MYRIP: variants seen among roughly 807,000 people sequenced by gnomAD.
MYRIP encodes the protein rab effector MyRIP.
Under a neutral mutation model 98.0 loss-of-function variants are expected in MYRIP, and 49 were observed. The observed-to-expected ratio is 0.50, with a 90% CI of 0.40 to 0.63. The LOEUF is 0.63. Ranked by LOEUF, MYRIP falls within the 30% of genes least tolerant of loss-of-function variation. MYRIP has a pLI of 0.00. For synonymous variants in MYRIP, 404 were observed against 409.5 expected (o/e 0.99, Z 0.16); for missense variants, 1,004 against 1,058.2 (o/e 0.95, Z 0.71).
rs1553624983 is a variant in MYRIP, at chr3:40,192,330, T to TATATATATGTCATATATATATGTC, written c.1665+1875_1665+1876insGTCATATATATATGTCATATATAT. On this transcript the variant is annotated intron_variant, in intron 10 of 16. Transcript: ENST00000302541. ...TCTTCATATATATATATATATGTCATATATATATATGTCATATATATATTT... is the reference window on the plus strand; with the variant it reads ...TCTTCATATATATATATATATGTCATATATATATGTCATATATATATGTCATATATATATGTCATATATATATTT... Among the ~76,000 whole-genome samples, 40 of 100,042 alleles carry TATATATATGTCATATATATATGTC rather than the reference T, an allele frequency of 4.0e-4. 1 individual carries two copies. Among genetic ancestry groups the TATATATATGTCATATATATATGTC allele is most frequent in the African/African-American group, 4.9e-4 (11 of 22,598 alleles). 65.6% of individuals were successfully genotyped at this position (100,042 alleles called of 152,430 possible). A position where few individuals can be genotyped will look rare whatever the true frequency, so the allele number is the denominator to read the frequency against.
intron 3 of MYRIP, among the ~76,000 whole-genome samples, chr3:40,051,075 A>G (rs545581849): frequency 7.0e-4 from 106 of 152,320 alleles, no homozygotes; most frequent in African/African-American, 2.5e-3. Flanking sequence ...AGAATAGTTC[A>G]TAAACTTAGT....
chr3:39,961,982 C>G (rs193007191), intron 2 of MYRIP, among the ~76,000 whole-genome samples: 17 of 152,186 alleles, frequency 1.1e-4, no homozygotes, highest in Middle Eastern at 3.4e-3. Flanking sequence ...GTTTCATGAA[C>G]AAAAGATGAA....
At chr3:40,253,438 C>A (rs1559478844) in intron 16 of MYRIP, among the ~76,000 whole-genome samples, 1 of 152,102 alleles carries the variant, frequency 6.6e-6, no homozygotes, top group Non-Finnish European at 1.5e-5. Flanking sequence ...CGGATATAAA[C>A]AAATAAGACG....
At chr3:40,068,394 T>C (rs1366798340) in intron 3 of MYRIP, among the ~76,000 whole-genome samples, 2 of 152,230 alleles carry the variant, frequency 1.3e-5, no homozygotes, top group Non-Finnish European at 2.9e-5. Context: ...TGGATGTTTT[T>C]CTCTGGCTTC....
chr3:40,192,326 GTC>G (rs772981225), intron 10 of MYRIP, among the ~76,000 whole-genome samples: 4,231 of 17,136 alleles, frequency 0.25, 571 homozygotes, highest in Non-Finnish European at 0.38. Context: ...ATATATATAT[GTC>G]ATATATATAT....
At chr3:40,119,221 C>T (rs530054615) in intron 3 of MYRIP, among the ~76,000 whole-genome samples, 1,644 of 152,118 alleles carry the variant, frequency 0.011, 23 homozygotes, top group Admixed American at 0.019. Context: ...TCCTATTTCT[C>T]CACATCCTCT....
At chr3:40,070,157 A>G (rs1948196602) in intron 3 of MYRIP, among the ~76,000 whole-genome samples, 1 of 152,188 alleles carries the variant, frequency 6.6e-6, no homozygotes, top group African/African-American at 2.4e-5. Context: ...TACTTGATCA[A>G]TTACATAATT....
chr3:40,227,180 G>C (rs1056723715), intron 11 of MYRIP, among the ~76,000 whole-genome samples: 2 of 152,180 alleles, frequency 1.3e-5, no homozygotes, highest in Non-Finnish European at 2.9e-5. Context: ...CAGTGCCTTG[G>C]CATAGAGTGG....
chr3:39,959,861 G>A (rs895691646), intron 2 of MYRIP, among the ~76,000 whole-genome samples: 2 of 152,028 alleles, frequency 1.3e-5, no homozygotes, highest in African/African-American at 4.8e-5. Context: ...TCTTCTGAAT[G>A]GCAGTGCTCC....
intron 1 of MYRIP, among the ~76,000 whole-genome samples, chr3:39,869,259 C>CT (rs1298517515): frequency 6.6e-6 from 1 of 152,104 alleles, no homozygotes; most frequent in Non-Finnish European, 1.5e-5. Context: ...TTTCACATTC[C>CT]TTTTTTTAAT....
intron 11 of MYRIP, among the ~76,000 whole-genome samples, chr3:40,212,020 C>T (rs1951944903): frequency 6.6e-6 from 1 of 151,410 alleles, no homozygotes. Flanking sequence ...CCTTCCTAGT[C>T]TTCCATGAGT....
intron 4 of MYRIP, among the ~76,000 whole-genome samples, chr3:40,160,763 G>T (rs193189300): frequency 6.6e-6 from 1 of 152,300 alleles, no homozygotes; most frequent in African/African-American, 2.4e-5. Context: ...TTTTCCAGGT[G>T]CCGTCTTTCC....
At chr3:40,084,323 CGATAGATAATACACATCTATGTATTATA>C (rs1948557140) in intron 3 of MYRIP, among the ~76,000 whole-genome samples, 2 of 77,036 alleles carry the variant, frequency 2.6e-5, no homozygotes, top group African/African-American at 1.1e-4. Context: ...TATTATATAT[CGATAGATAATACACATCTATGTATTATA>C]TATCGATAGA....
At chr3:39,918,123 T>C (rs899316905) in intron 2 of MYRIP, among the ~76,000 whole-genome samples, 1 of 152,106 alleles carries the variant, frequency 6.6e-6, no homozygotes, top group African/African-American at 2.4e-5. Flanking sequence ...AGACGGGGTT[T>C]CACCGTGGTC....
At position 40,146,353 on chromosome 3, in the gene MYRIP, T is replaced by C. The variant is rs73827320; in HGVS notation, c.333-4695T>C. ...TTTATAGGCAGAGGGAACAGCAAGA[T>C]CAAAGCCAGTGTGAGCGTGTTTGTT... On this transcript the variant is annotated intron_variant, in intron 3 of 16. Coordinates refer to ENST00000302541, the MANE Select transcript of MYRIP (RefSeq NM_015460.4). Among the ~76,000 whole-genome samples the C allele has an allele frequency of 2.8e-3, 423 of 152,282 alleles. 1 individual carries two copies. Among genetic ancestry groups the C allele is most frequent in the African/African-American group, 9.7e-3 (404 of 41,570 alleles).
At chr3:40,089,608 G>A (rs1559396209) in intron 3 of MYRIP, among the ~76,000 whole-genome samples, 1 of 152,146 alleles carries the variant, frequency 6.6e-6, no homozygotes. Flanking sequence ...ATTAACTCAA[G>A]TAATAGCCAA....
chr3:40,129,797 C>G (rs937698007), intron 3 of MYRIP, among the ~76,000 whole-genome samples: 2 of 152,180 alleles, frequency 1.3e-5, no homozygotes, highest in African/African-American at 4.8e-5. Context: ...CTCCTTCTCA[C>G]AACTGTATTG....
intron 10 of MYRIP, among the ~76,000 whole-genome samples, chr3:40,209,541 A>G (rs1240366017): frequency 6.6e-6 from 1 of 152,142 alleles, no homozygotes; most frequent in Non-Finnish European, 1.5e-5. Flanking sequence ...AGGGCTGGTC[A>G]GGTTCTCCAA....
chr3:39,968,360 G>A (rs925074271), intron 2 of MYRIP, among the ~76,000 whole-genome samples: 4 of 151,898 alleles, frequency 2.6e-5, no homozygotes, highest in East Asian at 1.9e-4. Context: ...ATGGGGTTTC[G>A]CTGTGTTGGC....
Sources: allele counts gnomAD v4.1 joint callset (sites outside exome capture counted in the v4.1 genomes callset), GRCh38; gene constraint gnomAD v4.1.1; transcripts MANE v1.5; gene names NCBI Gene and HGNC (gene_info 2026-07-23, HGNC 2026-07-21).